Variants in PRKCG observed in about 807,000 individuals in gnomAD.
PRKCG encodes protein kinase C gamma type.
PRKCG carries 28 observed loss-of-function variants against 82.0 expected under a neutral mutation model. The ratio of observed to expected loss-of-function variants is 0.34; its 90% confidence interval spans 0.25 to 0.47. The LOEUF is 0.47. PRKCG is among the 20% of genes least tolerant of loss of function. The pLI is 1.00. For missense variants in PRKCG, 640 were observed against 952.7 expected (o/e 0.67, Z 4.32); for synonymous variants, 383 against 376.6 (o/e 1.02, Z -0.20).
Position 53,892,427 on chromosome 19 carries a change from C to T in PRKCG, c.687-82C>T. ...AGGAGCCCCAGCTGGCTGGGTTTGC[C>T]CCCACCTCCAGCACCAAGGATGGGG... On this transcript the variant is annotated intron_variant, in intron 6 of 17. Coordinates refer to ENST00000263431, the MANE Select transcript of PRKCG (RefSeq NM_002739.5). The surrounding 1 kb of genome is among the most constrained non-coding windows in gnomAD (Gnocchi z 5.9). 2 of 1,553,654 alleles carry T rather than the reference C, an allele frequency of 1.3e-6. No homozygotes were observed. Among genetic ancestry groups the T allele is most frequent in the Non-Finnish European group, 1.7e-6 (2 of 1,154,764 alleles).
At chr19:53,887,220 A>G (rs140308078) in intron 3 of PRKCG, among the ~76,000 whole-genome samples, 4,939 of 152,190 alleles carry the variant, frequency 0.032, 259 homozygotes, top group African/African-American at 0.11. Context: ...CATGCAGGCC[A>G]GGCACAGTGG....
In PRKCG at chr19:53,889,906, C is replaced by T. The variant is rs1455406486; in HGVS notation, c.418C>T (p.Arg140Trp). 1.3e-6 allele frequency: 2 copies of T among 1,584,936 alleles called. No homozygotes were observed. The highest frequency in any genetic ancestry group is 1.8e-5 in the Admixed American group (1 of 56,104). Residue 140 changes from arginine (R) to tryptophan (W), a missense_variant, in exon 5 of 18, where the codon CGG becomes TGG. This residue lies in a region of PRKCG where 261 missense variants were observed against 312.1 expected (regional missense o/e 0.84). Transcript: ENST00000263431. The surrounding 1 kb of genome is among the most constrained non-coding windows in gnomAD (Gnocchi z 4.4). ...TCCAGGCTGCGAGATGAACGTGCAC[C>T]GGCGCTGTGTGCGTAGCGTGCCCTC... ...KCSCCEMNVH[R>W]RCVRSVPSLC...
intron 11 of PRKCG, among the ~76,000 whole-genome samples, chr19:53,899,086 C>T (rs1376766427): frequency 1.4e-5 from 2 of 146,808 alleles, no homozygotes; most frequent in Non-Finnish European, 3.0e-5. Flanking sequence ...TATGAATGAG[C>T]GTATCCAGGC....
In PRKCG at chr19:53,900,386, C is replaced by T; in HGVS notation, c.1374-33C>T. ...GAAGGGGGCAGGATCCAGCCACTGA[C>T]CTTCTGACGTCCCCACCCACCCCGT... is the stretch of plus-strand genomic sequence containing the variant. On this transcript the variant is annotated intron_variant, in intron 12 of 17. Transcript: ENST00000263431. This position sits in a 1 kb window ranked among gnomAD's most constrained non-coding sequence, Gnocchi z 4.2. The T allele has an allele frequency of 6.2e-7, 1 of 1,614,078 alleles. No homozygotes were observed. Among genetic ancestry groups the T allele is most frequent in the Non-Finnish European group, 8.5e-7 (1 of 1,179,950 alleles).
rs774838031 is a variant in PRKCG, at chr19:53,898,065, C to G, written c.1046C>G (p.Ser349Cys). ...GCGAGTCCAGGACGCCTGCACATCTCCGACTTCAGCTTCCTCATGGTTCTA... is the reference window on the plus strand; with the variant it reads ...GCGAGTCCAGGACGCCTGCACATCTGCGACTTCAGCTTCCTCATGGTTCTA... ...FGASPGRLHI[S>C]DFSFLMVLGK... is the part of the protein sequence containing the mutation. Residue 349 changes from serine (S) to cysteine (C), a missense_variant, in exon 10 of 18, where the codon TCC becomes TGC. Coordinates refer to ENST00000263431, the MANE Select transcript of PRKCG (RefSeq NM_002739.5). The G allele has an allele frequency of 3.1e-6, 5 of 1,613,988 alleles. No individual in the cohort carries two copies. In the South Asian group the frequency reaches 5.5e-5, roughly 18 times the overall value.
intron 9 of PRKCG, among the ~76,000 whole-genome samples, chr19:53,896,158 G>A (rs2068716506): frequency 6.6e-6 from 1 of 151,908 alleles, no homozygotes; most frequent in Admixed American, 6.6e-5. Context: ...GAGATCAGCA[G>A]GGATGATCCT....
Position 53,889,811 on chromosome 19 carries a change from C to T in PRKCG, c.397+62C>T. On this transcript the variant is annotated intron_variant, in intron 4 of 17. Coordinates refer to ENST00000263431, the MANE Select transcript of PRKCG (RefSeq NM_002739.5). This position sits in a 1 kb window ranked among gnomAD's most constrained non-coding sequence, Gnocchi z 4.4. ...CGCCCGGTCTGGGTTCCGGGAAATG[C>T]CCGGGATGGGGTGGGGGGTGGAGTC... The T allele has an allele frequency of 6.3e-7, 1 of 1,584,528 alleles. No individual in the cohort carries two copies. The highest frequency in any genetic ancestry group is 8.6e-7 in the Non-Finnish European group (1 of 1,165,246).
rs1174287311 is a variant in PRKCG at position 53,889,061 on chromosome 19, T to C, written c.286-577T>C. The stretch of plus-strand genomic sequence containing the variant: ...TCGGCCTCCTGGATTCAAGCAATTC[T>C]CATGCCTCAGCCTCCTGAGTAGCTG... On this transcript the variant is annotated intron_variant, in intron 3 of 17. Coordinates refer to ENST00000263431, the MANE Select transcript of PRKCG (RefSeq NM_002739.5). This position sits in a 1 kb window ranked among gnomAD's most constrained non-coding sequence, Gnocchi z 4.4. Among the ~76,000 whole-genome samples, 2 of 152,134 alleles carry C rather than the reference T, an allele frequency of 1.3e-5. No homozygotes were observed. Among genetic ancestry groups the C allele is most frequent in the African/African-American group, 4.8e-5 (2 of 41,410 alleles).
intron 11 of PRKCG, among the ~76,000 whole-genome samples, chr19:53,898,965 GA>G (rs1461624141): frequency 7.7e-5 from 9 of 116,200 alleles, no homozygotes; most frequent in African/African-American, 2.9e-4. Flanking sequence ...TCAGGCGGAT[GA>G]AATCTTTGGG....
Position 53,897,932 on chromosome 19 carries a change from C to G in PRKCG, c.940-27C>G, listed in dbSNP as rs1310892081. On this transcript the variant is annotated intron_variant, in intron 9 of 17. Transcript: ENST00000263431. ...ATCGCTGTGTAAGGTCTAACTGCCT[C>G]TGGCTCTTTCTTTCTCCTTTCCACA... The G allele has an allele frequency of 3.7e-6, 6 of 1,613,932 alleles. No individual in the cohort carries two copies. In the African/African-American group the frequency reaches 5.3e-5, roughly 14 times the overall value.
intron 5 of PRKCG, among the ~76,000 whole-genome samples, chr19:53,890,641 G>C (rs1053265456): frequency 1.2e-4 from 18 of 151,032 alleles, no homozygotes; most frequent in African/African-American, 4.4e-4. Flanking sequence ...GAGTGCAGTG[G>C]TGCAATCTTG....
At chr19:53,902,333 G>A (rs1432689220) in intron 14 of PRKCG, among the ~76,000 whole-genome samples, 1 of 152,144 alleles carries the variant, frequency 6.6e-6, no homozygotes, top group Non-Finnish European at 1.5e-5. Flanking sequence ...AGAATCACTT[G>A]AACCCAGGAG....
chr19:53,889,368 A>G lies in PRKCG; in HGVS notation c.286-270A>G, dbSNP rs2068654223. 6.6e-6 allele frequency among the ~76,000 whole-genome samples: 1 copy of G among 151,732 alleles called. No individual in the cohort carries two copies. Among genetic ancestry groups the G allele is most frequent in the Non-Finnish European group, 1.5e-5 (1 of 67,958 alleles). On this transcript the variant is annotated intron_variant, in intron 3 of 17. Transcript: ENST00000263431. This position sits in a 1 kb window ranked among gnomAD's most constrained non-coding sequence, Gnocchi z 4.4. ...ATCAAACTATATGTTTTATTTATTT[A>G]CCATGTTTACATTCTGTATCCCTCC...
chr19:53,899,468 C>T (rs1394837248), intron 11 of PRKCG, among the ~76,000 whole-genome samples: 2 of 152,196 alleles, frequency 1.3e-5, no homozygotes, highest in Non-Finnish European at 2.9e-5. Flanking sequence ...CTTAGGATTG[C>T]GACTTAGGGG....
intron 9 of PRKCG, among the ~76,000 whole-genome samples, chr19:53,894,651 G>T (rs951166440): frequency 6.6e-6 from 1 of 151,608 alleles, no homozygotes; most frequent in Non-Finnish European, 1.5e-5. Context: ...GTAGAGATGG[G>T]GTTTCGACAT....
In PRKCG at chr19:53,901,622, C is replaced by T. The variant is rs558766918; in HGVS notation, c.1575+873C>T. 2.3e-4 allele frequency among the ~76,000 whole-genome samples: 34 copies of T among 145,966 alleles called. 1 individual carries two copies. The South Asian group carries it at 5.0e-3, about 21-fold the overall frequency. The stretch of plus-strand genomic sequence containing the variant: ...AATTCCAGCACTTGGGAGGCTGAGG[C>T]GGGCGGATCACAAGGTCAGGAGTTT... On this transcript the variant is annotated intron_variant, in intron 14 of 17. Coordinates refer to ENST00000263431, the MANE Select transcript of PRKCG (RefSeq NM_002739.5).
chr19:53,906,208 C>A, intron 16 of PRKCG, 109 bp from the exon 17 acceptor site: 1 of 1,419,264 alleles, frequency 7.0e-7, no homozygotes. Flanking sequence ...GATCTCATGC[C>A]TGTGTCTCTT....
chr19:53,898,868 CG>C, intron 11 of PRKCG, among the ~76,000 whole-genome samples: 1 of 39,738 alleles, frequency 2.5e-5, no homozygotes, highest in Admixed American at 3.6e-4. Context: ...GAGGCGAGGC[CG>C]GGTGGAGGGG....
Position 53,898,553 on chromosome 19 carries a change from G to A in PRKCG, c.1206G>A (p.Val402=). The A allele has an allele frequency of 1.2e-6, 2 of 1,613,352 alleles. No individual in the cohort carries two copies. Among genetic ancestry groups the A allele is most frequent in the Non-Finnish European group, 1.7e-6 (2 of 1,179,940 alleles). ...ACTGCACGCTGGTGGAGAAACGTGTGCTGGCGCTGGGGGGCCGGGGTCCTG... is the reference window on the plus strand; with the variant it reads ...ACTGCACGCTGGTGGAGAAACGTGTACTGGCGCTGGGGGGCCGGGGTCCTG... ...DVDCTLVEKR[V]LALGGRGPGG... is the part of the protein sequence containing the mutation. Residue 402 remains valine (V), a synonymous_variant, in exon 11 of 18, where the codon GTG becomes GTA. Transcript: ENST00000263431.
Sources: allele counts gnomAD v4.1 joint callset (sites outside exome capture counted in the v4.1 genomes callset), GRCh38; gene constraint gnomAD v4.1.1; regional missense constraint gnomAD v4.1.1; non-coding constraint Gnocchi (gnomAD v3.1); transcripts MANE v1.5; gene names NCBI Gene and HGNC (gene_info 2026-07-23, HGNC 2026-07-21).